SPHKAP: variants seen among roughly 807,000 people sequenced by gnomAD.
SPHKAP encodes A-kinase anchor protein SPHKAP.
SPHKAP carries 67 observed loss-of-function variants against 137.5 expected under a neutral mutation model. The observed-to-expected ratio is 0.49, with a 90% CI of 0.40 to 0.60. SPHKAP has a LOEUF of 0.60. SPHKAP is among the 20% of genes least tolerant of loss of function. SPHKAP has a pLI of 0.00. For missense variants in SPHKAP, 2,097 were observed against 2,069.3 expected, an observed-to-expected ratio of 1.01 and a Z score of -0.26; for synonymous variants, 813 against 785.3, an observed-to-expected ratio of 1.04 and a Z score of -0.59.
chr2:228,092,170 C>G (rs1344742483), intron 3 of SPHKAP, among the ~76,000 whole-genome samples: 1 of 101,308 alleles, frequency 9.9e-6, no homozygotes, highest in Non-Finnish European at 2.1e-5. Context: ...TATGTGTGTA[C>G]ACACACATGT....
At chr2:228,071,951 T>A (rs929522248) in intron 3 of SPHKAP, among the ~76,000 whole-genome samples, 2 of 152,234 alleles carry the variant, frequency 1.3e-5, no homozygotes, top group Non-Finnish European at 2.9e-5. Context: ...CTACGGAACC[T>A]ATCTGTGTCT....
At chr2:228,105,387 C>T (rs1354957132) in intron 3 of SPHKAP, among the ~76,000 whole-genome samples, 6 of 152,160 alleles carry the variant, frequency 3.9e-5, no homozygotes, top group South Asian at 2.1e-4. Context: ...GATTGGCTTC[C>T]AATTCCATTA....
At chr2:227,993,443 G>T in intron 9 of SPHKAP, 91 bp downstream of exon 9, 1 of 1,174,184 alleles carries the variant, frequency 8.5e-7, no homozygotes, top group Non-Finnish European at 1.2e-6. Flanking sequence ...GATGAGGTCA[G>T]TGGTTGGGCA....
chr2:228,019,588 A>G lies in SPHKAP; in HGVS notation c.1266T>C (p.Val422=), dbSNP rs751834044. 3 of 1,614,154 alleles carry G rather than the reference A, an allele frequency of 1.9e-6. No homozygotes were observed. Residue 422 remains valine, a synonymous_variant, in exon 7 of 12, where the codon GTT becomes GTC. Transcript: ENST00000392056. The part of the protein sequence containing the change: ...STLPQESAVS[V]SVGSSLLPSC... ...TGGGAAGCAGAGAACTTCCTACAGA[A>G]ACACTGACTGCAGATTCCTGGGGTA...
At chr2:228,009,445 C>T (rs1401671902) in intron 7 of SPHKAP, among the ~76,000 whole-genome samples, 2 of 152,078 alleles carry the variant, frequency 1.3e-5, no homozygotes, top group Non-Finnish European at 2.9e-5. Flanking sequence ...AATCTTTTGG[C>T]ATATTTATAA....
chr2:228,154,508 CTCTCTATA>C (rs1419864625), intron 1 of SPHKAP, among the ~76,000 whole-genome samples: 9 of 34,574 alleles, frequency 2.6e-4, no homozygotes, highest in African/African-American at 8.3e-4. Flanking sequence ...CTCTCTCTCT[CTCTCTATA>C]TATATATATA....
At chr2:228,089,206 G>C (rs1697639409) in intron 3 of SPHKAP, among the ~76,000 whole-genome samples, 1 of 152,198 alleles carries the variant, frequency 6.6e-6, no homozygotes, top group Non-Finnish European at 1.5e-5. Context: ...AAAGTTATTG[G>C]GAAATGGAGC....
intron 1 of SPHKAP, among the ~76,000 whole-genome samples, chr2:228,155,840 A>G (rs1169248991): frequency 6.6e-6 from 1 of 152,222 alleles, no homozygotes; most frequent in East Asian, 1.9e-4. Flanking sequence ...TTTGTTGCAA[A>G]TAATAGTTGC....
chr2:228,167,453 T>C (rs1700452777), intron 1 of SPHKAP, among the ~76,000 whole-genome samples: 1 of 152,196 alleles, frequency 6.6e-6, no homozygotes, highest in Non-Finnish European at 1.5e-5. Context: ...AAAGTTGAAG[T>C]AAAAATTAAA....
intron 3 of SPHKAP, among the ~76,000 whole-genome samples, chr2:228,055,514 G>C (rs776555597): frequency 1.3e-4 from 20 of 152,162 alleles, no homozygotes; most frequent in Non-Finnish European, 2.2e-4. Flanking sequence ...TGGTGGGGGA[G>C]ACTCCAAAAA....
intron 3 of SPHKAP, among the ~76,000 whole-genome samples, chr2:228,099,405 A>T (rs7600299): frequency 0.17 from 26,452 of 152,116 alleles, 2,925 homozygotes; most frequent in South Asian, 0.32. Flanking sequence ...TACCAGTACC[A>T]TCCTGTTTTG....
chr2:228,045,688 T>C (rs2106265008), intron 3 of SPHKAP, among the ~76,000 whole-genome samples: 2 of 151,910 alleles, frequency 1.3e-5, no homozygotes, highest in East Asian at 1.9e-4. Context: ...GCATGGCACA[T>C]ATATACATAT....
rs529012882 is a variant in SPHKAP, at chr2:228,017,773, G to T, written c.3081C>A (p.Asn1027Lys). ...LMNRVVDESM[N>K]LEDVPDSVNL... ...TGACAGAATCTGGGACATCTTCAAG[G>T]TTCATGGACTCATCCACAACCCTGT... The change falls in exon 7 of 12, where the codon AAC becomes AAA. Residue 1027 changes from asparagine (N) to lysine (K), a missense_variant. By Grantham distance (94) the Asn-to-Lys change is moderately conservative. Transcript: ENST00000392056. The T allele has an allele frequency of 5.6e-6, 9 of 1,614,086 alleles. No individual in the cohort carries two copies. The highest frequency in any genetic ancestry group is 2.2e-5 in the East Asian group (1 of 44,862).
chr2:228,035,441 A>C (rs1194128917), intron 3 of SPHKAP, among the ~76,000 whole-genome samples: 13 of 152,226 alleles, frequency 8.5e-5, no homozygotes, highest in African/African-American at 3.1e-4. Context: ...AATATTGTGA[A>C]AATGGCCATA....
At chr2:227,986,349 C>T (rs1693208569) in intron 11 of SPHKAP, among the ~76,000 whole-genome samples, 1 of 152,148 alleles carries the variant, frequency 6.6e-6, no homozygotes, top group South Asian at 2.1e-4. Context: ...TGTTCTCACT[C>T]ATAAGTGGGA....
intron 2 of SPHKAP, among the ~76,000 whole-genome samples, chr2:228,111,806 A>T (rs1385055967): frequency 1.3e-5 from 2 of 152,048 alleles, no homozygotes; most frequent in African/African-American, 4.8e-5. Context: ...CTGACTTTGG[A>T]TGTGAAATTA....
chr2:228,132,564 T>A (rs1265834722), intron 1 of SPHKAP: 1 of 883,754 alleles, frequency 1.1e-6, no homozygotes, highest in African/African-American at 1.8e-5. Context: ...ATGCAGGTAA[T>A]GTCTTTACCA....
intron 11 of SPHKAP, among the ~76,000 whole-genome samples, chr2:227,986,878 A>G (rs1182696869): frequency 6.6e-6 from 1 of 152,228 alleles, no homozygotes; most frequent in Non-Finnish European, 1.5e-5. Context: ...GAAGAGCTGG[A>G]GAGCAATGAT....
intron 11 of SPHKAP, among the ~76,000 whole-genome samples, chr2:227,986,322 GA>G (rs1693207253): frequency 1.3e-5 from 2 of 152,154 alleles, no homozygotes; most frequent in Non-Finnish European, 2.9e-5. Flanking sequence ...CTCAGGAATG[GA>G]AAACCTAACA....
Sources: allele counts gnomAD v4.1 joint callset (sites outside exome capture counted in the v4.1 genomes callset), GRCh38; gene constraint gnomAD v4.1.1; transcripts MANE v1.5; gene names NCBI Gene and HGNC (gene_info 2026-07-23, HGNC 2026-07-21).